E2F3: variants seen among roughly 807,000 people sequenced by gnomAD.
The protein encoded by E2F3 is E2F transcription factor 3, also known as transcription factor E2F3.
E2F3 carries 11 observed loss-of-function variants against 44.4 expected under a neutral mutation model. The ratio of observed to expected loss-of-function variants is 0.25; its 90% CI spans 0.16 to 0.41. E2F3 has a LOEUF of 0.41. Among genes scored for constraint, E2F3 ranks in the 10% least tolerant of loss-of-function variants. The pLI is 1.00. For synonymous variants in E2F3, 249 were observed against 253.0 expected, an observed-to-expected ratio of 0.98 and a Z score of 0.15; for missense variants, 487 against 583.6, an observed-to-expected ratio of 0.83 and a Z score of 1.70.
intron 1 of E2F3, among the ~76,000 whole-genome samples, chr6:20,403,211 G>C (rs1196148370): frequency 6.6e-6 from 1 of 151,850 alleles, no homozygotes; most frequent in African/African-American, 2.4e-5. Context: ...GGGGGAGGTG[G>C]AGGGGAGTCG....
At chr6:20,461,301 G>A (rs1761500428) in intron 1 of E2F3, among the ~76,000 whole-genome samples, 1 of 152,052 alleles carries the variant, frequency 6.6e-6, no homozygotes, top group Non-Finnish European at 1.5e-5. Flanking sequence ...AGACCATCCT[G>A]GCTAACATGG....
intron 1 of E2F3, among the ~76,000 whole-genome samples, chr6:20,458,461 C>T (rs1415051492): frequency 6.6e-6 from 1 of 152,168 alleles, no homozygotes; most frequent in East Asian, 1.9e-4. Flanking sequence ...ACCTCCCTCC[C>T]AGACCATTTC....
intron 1 of E2F3, among the ~76,000 whole-genome samples, chr6:20,406,251 G>T (rs1759490459): frequency 6.6e-6 from 1 of 152,050 alleles, no homozygotes; most frequent in South Asian, 2.1e-4. Flanking sequence ...TATGTTCATT[G>T]GCAAATAACT....
chr6:20,415,370 C>G (rs989977786), intron 1 of E2F3, among the ~76,000 whole-genome samples: 4 of 152,240 alleles, frequency 2.6e-5, no homozygotes, highest in African/African-American at 9.6e-5. Context: ...CTTCAGCGCT[C>G]TTAACATTTT....
At chr6:20,441,187 G>A (rs940826482) in intron 1 of E2F3, among the ~76,000 whole-genome samples, 2 of 152,060 alleles carry the variant, frequency 1.3e-5, no homozygotes, top group Non-Finnish European at 2.9e-5. Flanking sequence ...TCCCTGGTAA[G>A]CTCTATTCTA....
chr6:20,434,705 AG>A (rs1355909919), intron 1 of E2F3, among the ~76,000 whole-genome samples: 1 of 152,204 alleles, frequency 6.6e-6, no homozygotes, highest in East Asian at 1.9e-4. Flanking sequence ...TAGGACCAGA[AG>A]GGGTCCAGGT....
intron 1 of E2F3, among the ~76,000 whole-genome samples, chr6:20,467,917 A>G (rs998341626): frequency 2.7e-5 from 4 of 150,130 alleles, no homozygotes; most frequent in African/African-American, 1.0e-4. Flanking sequence ...GGGTGACCAC[A>G]TGGGCACCCA....
chr6:20,410,722 G>A (rs1313914566), intron 1 of E2F3, among the ~76,000 whole-genome samples: 2 of 152,106 alleles, frequency 1.3e-5, no homozygotes, highest in Non-Finnish European at 2.9e-5. Flanking sequence ...GGGTTCAGCC[G>A]ATTCTCCTGC....
intron 1 of E2F3, among the ~76,000 whole-genome samples, chr6:20,460,783 G>A (rs759755885): frequency 6.6e-6 from 1 of 151,426 alleles, no homozygotes; most frequent in African/African-American, 2.4e-5. Context: ...ATCATCTGAG[G>A]TCAGGAGTTC....
intron 1 of E2F3, among the ~76,000 whole-genome samples, chr6:20,476,998 A>T (rs570584421): frequency 1.3e-5 from 2 of 152,228 alleles, no homozygotes; most frequent in African/African-American, 4.8e-5. Flanking sequence ...TAAAATATAT[A>T]TATAAAGAAA....
At chr6:20,438,831 G>A (rs1028601190) in intron 1 of E2F3, among the ~76,000 whole-genome samples, 6 of 152,134 alleles carry the variant, frequency 3.9e-5, no homozygotes, top group Non-Finnish European at 8.8e-5. Flanking sequence ...CTGCTCTGGA[G>A]ACCCCAGCCG....
intron 1 of E2F3, among the ~76,000 whole-genome samples, chr6:20,419,009 T>TA (rs1163106206): frequency 6.6e-6 from 1 of 152,202 alleles, no homozygotes; most frequent in Non-Finnish European, 1.5e-5. Flanking sequence ...TTCCTTTTTA[T>TA]AATCATTTGC....
chr6:20,454,885 G>A (rs976470380), intron 1 of E2F3, among the ~76,000 whole-genome samples: 10 of 152,144 alleles, frequency 6.6e-5, no homozygotes, highest in African/African-American at 2.4e-4. Flanking sequence ...AAGTTTTTCT[G>A]GACATTAGAC....
chr6:20,415,457 T>A (rs774029714), intron 1 of E2F3, among the ~76,000 whole-genome samples: 9 of 152,150 alleles, frequency 5.9e-5, no homozygotes, highest in African/African-American at 9.7e-5. Flanking sequence ...TTGTAGCAAG[T>A]TTAGCAGGAT....
chr6:20,458,146 T>A (rs974042692), intron 1 of E2F3, among the ~76,000 whole-genome samples: 3 of 152,172 alleles, frequency 2.0e-5, no homozygotes, highest in African/African-American at 7.2e-5. Flanking sequence ...AAGACCTTGT[T>A]CTGAACTTAC....
intron 4 of E2F3, among the ~76,000 whole-genome samples, chr6:20,485,011 T>C (rs1581658615): frequency 6.6e-6 from 1 of 151,844 alleles, no homozygotes; most frequent in South Asian, 2.1e-4. Context: ...CTAGGGTCTC[T>C]AAGCCCCCCC....
Position 20,474,541 on chromosome 6 carries a change from G to A in E2F3, c.394-5305G>A, listed in dbSNP as rs76884326. ...ATGTAAAGATCTGTGCATAAACAAT[G>A]AATACCTCTCCAATCAGTACGATGC... On this transcript the variant is annotated intron_variant, in intron 1 of 6. Transcript: ENST00000346618. 3.3e-5 allele frequency among the ~76,000 whole-genome samples: 5 copies of A among 152,230 alleles called. No individual in the cohort carries two copies. In the East Asian group the frequency reaches 9.7e-4, roughly 29 times the overall value.
chr6:20,489,934 C>T (rs1762507383), intron 6 of E2F3, among the ~76,000 whole-genome samples: 1 of 152,154 alleles, frequency 6.6e-6, no homozygotes, highest in Non-Finnish European at 1.5e-5. Flanking sequence ...CACACCACTG[C>T]ACTCCAGCCA....
chr6:20,415,440 C>G (rs1274795507), intron 1 of E2F3, among the ~76,000 whole-genome samples: 1 of 152,142 alleles, frequency 6.6e-6, no homozygotes, highest in Non-Finnish European at 1.5e-5. Context: ...GAGGGCTGTC[C>G]TGTGCATTGT....
Sources: allele counts gnomAD v4.1 joint callset (sites outside exome capture counted in the v4.1 genomes callset), GRCh38; gene constraint gnomAD v4.1.1; transcripts MANE v1.5; gene names NCBI Gene and HGNC (gene_info 2026-07-23, HGNC 2026-07-21).